The following ALOX15B variants were observed in gnomAD, a reference collection of about 807,000 sequenced individuals.
ALOX15B encodes arachidonate 15-lipoxygenase type B, also known as polyunsaturated fatty acid lipoxygenase ALOX15B.
A neutral mutation model predicts 73.8 loss-of-function variants in ALOX15B; 74 were observed. That is an observed-to-expected ratio of 1.00 (90% CI 0.83 to 1.22). The LOEUF (loss-of-function observed/expected upper bound fraction) is 1.22, where lower values mean the gene tolerates loss of function less well. Among genes scored for constraint, ALOX15B ranks in the 50% most tolerant of loss-of-function variants. The pLI is 0.00. For missense variants in ALOX15B, 896 were observed against 859.9 expected, an observed-to-expected ratio of 1.04 and a Z score of -0.52; for synonymous variants, 353 against 357.2, an observed-to-expected ratio of 0.99 and a Z score of 0.13.
rs546894160 is a variant in ALOX15B, at chr17:8,042,984, C to A, written c.676+100C>A. ...AACCAAGCACCAATTTGCTATGTAA[C>A]CCTGATCAGGTCCTTGCTAGACCTT... On this transcript the variant is annotated intron_variant, in intron 5 of 13. Transcript: ENST00000380183. 4.2e-5 allele frequency: 40 copies of A among 947,436 alleles called. 1 individual carries two copies. The Middle Eastern group carries it at 8.9e-4, about 21-fold the overall frequency. 58.7% of individuals were successfully genotyped at this position (947,436 alleles called of 1,614,324 possible).
At chr17:8,041,802 A>G (rs1173490647) in intron 3 of ALOX15B, among the ~76,000 whole-genome samples, 1 of 152,188 alleles carries the variant, frequency 6.6e-6, no homozygotes, top group Non-Finnish European at 1.5e-5. Context: ...GTGCCTCTCT[A>G]TGGGACACCT....
intron 6 of ALOX15B, 115 bp downstream of exon 6, chr17:8,045,116 C>A: frequency 1.3e-6 from 2 of 1,580,834 alleles, no homozygotes; most frequent in Non-Finnish European, 1.7e-6. Flanking sequence ...CCGCGTGCTG[C>A]GTGCCAAGCA....
At position 8,047,606 on chromosome 17, in the gene ALOX15B, A is replaced by C. The variant is rs1203770185; in HGVS notation, c.1622A>C (p.Tyr541Ser). 3 of 1,611,074 alleles carry C rather than the reference A, an allele frequency of 1.9e-6. No individual in the cohort carries two copies. The highest frequency in any genetic ancestry group is 2.5e-6 in the Non-Finnish European group (3 of 1,178,642). ...GAGACCCGGGAAGCCCTGGTGCAGT[A>C]TGTCACCATGGTGATATTCACCTGC... is the stretch of plus-strand genomic sequence containing the variant. ...SLETREALVQ[Y>S]VTMVIFTCSA... The change falls in exon 12 of 14, where the codon TAT becomes TCT. Residue 541 changes from tyrosine (Y) to serine (S), a missense_variant. Coordinates refer to ENST00000380183, the MANE Select transcript of ALOX15B (RefSeq NM_001141.3).
intron 8 of ALOX15B, 52 bp from the exon 9 acceptor site, chr17:8,046,616 G>C: frequency 6.4e-7 from 1 of 1,568,792 alleles, no homozygotes; most frequent in Non-Finnish European, 8.7e-7. Flanking sequence ...GGAAGGTCTG[G>C]GGCCAGAACA....
chr17:8,044,975 G>A lies in ALOX15B; in HGVS notation c.823G>A (p.Gly275Arg), dbSNP rs146184262. The A allele has an allele frequency of 7.1e-5, 115 of 1,614,140 alleles. No individual in the cohort carries two copies. The African/African-American group carries it at 1.1e-3, about 16-fold the overall frequency. ...CATGGTGGCCTCAGTGTTGGGTCCT[G>A]GGACCAGCTTGCAGGCTGAGCTAGA... ...DAMVASVLGP[G>R]TSLQAELEKG... Residue 275 changes from glycine (G) to arginine (R), a missense_variant, in exon 6 of 14, where the codon GGG becomes AGG. By Grantham distance (125) the Gly-to-Arg change is moderately radical. Coordinates refer to ENST00000380183, the MANE Select transcript of ALOX15B (RefSeq NM_001141.3).
At position 8,039,219 on chromosome 17, in the gene ALOX15B, G is replaced by C. The variant is rs757072591; in HGVS notation, c.64G>C (p.Val22Leu). 6.2e-7 allele frequency: 1 copy of C among 1,611,554 alleles called. No individual in the cohort carries two copies. Among genetic ancestry groups the C allele is most frequent in the Non-Finnish European group, 8.5e-7 (1 of 1,178,794 alleles). The change falls in exon 1 of 14, where the codon GTG becomes CTG. Residue 22 changes from valine to leucine, a missense_variant. By Grantham distance (32) the Val-to-Leu change is conservative (BLOSUM62 1). Transcript: ENST00000380183. Reference sequence around the variant, plus strand: ...CTTCGGGGCTGGCACATGGGACAAAGTGTCTGTCAGCATCGTGGGGACCCG... The same window carrying C: ...CTTCGGGGCTGGCACATGGGACAAACTGTCTGTCAGCATCGTGGGGACCCG... Reference protein sequence around the residue: ...EAFGAGTWDKVSVSIVGTRGE... With the variant: ...EAFGAGTWDKLSVSIVGTRGE...
In ALOX15B at chr17:8,047,774, G is replaced by A. The variant is rs754875603; in HGVS notation, c.1710G>A (p.Leu570=). 3 of 1,613,986 alleles carry A rather than the reference G, an allele frequency of 1.9e-6. No individual in the cohort carries two copies. Among genetic ancestry groups the A allele is most frequent in the Admixed American group, 3.3e-5 (2 of 59,996 alleles). ...QFDSCAWMPN[L]PPSMQLPPPT... is the part of the protein sequence containing the mutation. ...ACTCCTGTGCTTGGATGCCCAACCTGCCACCCAGCATGCAGCTGCCACCAC... is the reference window on the plus strand; with the variant it reads ...ACTCCTGTGCTTGGATGCCCAACCTACCACCCAGCATGCAGCTGCCACCAC... The change falls in exon 13 of 14, where the codon CTG becomes CTA. Residue 570 remains leucine (L), a synonymous_variant. Coordinates refer to ENST00000380183, the MANE Select transcript of ALOX15B (RefSeq NM_001141.3).
rs1331071626 is a variant in ALOX15B at position 8,048,547 on chromosome 17, G to A, written c.2013G>A (p.Glu671=). The A allele has an allele frequency of 1.2e-6, 2 of 1,613,740 alleles. No homozygotes were observed. Among genetic ancestry groups the A allele is most frequent in the Non-Finnish European group, 1.7e-6 (2 of 1,179,776 alleles). ...PYTYLDPPLI[E]NSVSI Reference sequence around the variant, plus strand: ...CCTACCTAGACCCTCCCCTCATCGAGAACAGCGTCTCCATCTAAATCCCAG... The same window carrying A: ...CCTACCTAGACCCTCCCCTCATCGAAAACAGCGTCTCCATCTAAATCCCAG... The change falls in exon 14 of 14, where the codon GAG becomes GAA. Residue 671 remains glutamate (E), a synonymous_variant. Transcript: ENST00000380183.
At chr17:8,043,286 C>T (rs1041539102) in intron 5 of ALOX15B, among the ~76,000 whole-genome samples, 3 of 152,166 alleles carry the variant, frequency 2.0e-5, no homozygotes, top group African/African-American at 7.2e-5. Flanking sequence ...GGAAAGCTCT[C>T]CCAAGGGGGT....
In ALOX15B at chr17:8,047,321, G is replaced by A. The variant is rs1261216432; in HGVS notation, c.1521G>A (p.Glu507=). ...PSDESVQDDR[E]LQAWVREIFS... The stretch of plus-strand genomic sequence containing the variant: ...ATGAGTCTGTCCAAGATGACAGAGA[G>A]CTCCAGGCCTGGGTCAGAGAGATCT... The change falls in exon 11 of 14, where the codon GAG becomes GAA. Residue 507 remains glutamate, a synonymous_variant. Transcript: ENST00000380183. 6.2e-7 allele frequency: 1 copy of A among 1,614,094 alleles called. No homozygotes were observed. The highest frequency in any genetic ancestry group is 1.1e-5 in the South Asian group (1 of 91,082).
At chr17:8,041,597 T>C (rs1461170940) in intron 3 of ALOX15B, among the ~76,000 whole-genome samples, 1 of 152,224 alleles carries the variant, frequency 6.6e-6, no homozygotes, top group Non-Finnish European at 1.5e-5. Context: ...TTCTTTGAAG[T>C]TGAAAGCTCA....
Position 8,039,229 on chromosome 17 carries a change from G to A in ALOX15B, c.74G>A (p.Ser25Asn). 1 of 1,609,432 alleles carries A rather than the reference G, an allele frequency of 6.2e-7. No homozygotes were observed. Among genetic ancestry groups the A allele is most frequent in the Non-Finnish European group, 8.5e-7 (1 of 1,177,720 alleles). Residue 25 changes from serine (S) to asparagine (N), a missense_variant, in exon 1 of 14, where the codon AGC (serine) becomes AAC (asparagine). Coordinates refer to ENST00000380183, the MANE Select transcript of ALOX15B (RefSeq NM_001141.3). ...GAGTWDKVSV[S>N]IVGTRGESPP... ...GGCACATGGGACAAAGTGTCTGTCAGCATCGTGGGGACCCGGGGAGAGAGC... is the reference window on the plus strand; with the variant it reads ...GGCACATGGGACAAAGTGTCTGTCAACATCGTGGGGACCCGGGGAGAGAGC...
At chr17:8,041,486 C>G (rs1976462403) in intron 3 of ALOX15B, among the ~76,000 whole-genome samples, 1 of 152,204 alleles carries the variant, frequency 6.6e-6, no homozygotes, top group Non-Finnish European at 1.5e-5. Flanking sequence ...TGTTAGAAAT[C>G]AGAATCTGCA....
Position 8,039,300 on chromosome 17 carries a change from G to A in ALOX15B, c.145G>A (p.Ala49Thr). 1 of 1,585,190 alleles carries A rather than the reference G, an allele frequency of 6.3e-7. No individual in the cohort carries two copies. The highest frequency in any genetic ancestry group is 1.2e-5 in the South Asian group (1 of 85,952). The change falls in exon 1 of 14, where the codon GCT becomes ACT. Residue 49 changes from alanine (A) to threonine (T), a missense_variant and splice_region_variant. Transcript: ENST00000380183. ...TCTCGGCAAGGAGTTCACTGCGGGC[G>A]CTGTGAGTGCGTGGGAGTGGATGGG... is the stretch of plus-strand genomic sequence containing the variant. ...DNLGKEFTAGAEEDFQVTLPE... is the reference protein window; with the variant it reads ...DNLGKEFTAGTEEDFQVTLPE...
chr17:8,045,117 G>A (rs974398496), intron 6 of ALOX15B, 116 bp downstream of exon 6: 89 of 1,585,518 alleles, frequency 5.6e-5, no homozygotes, highest in Non-Finnish European at 6.4e-5. Flanking sequence ...CGCGTGCTGC[G>A]TGCCAAGCAC....
Position 8,046,705 on chromosome 17 carries a change from A to G in ALOX15B, c.1238A>G (p.Asn413Ser), listed in dbSNP as rs1486041392. 3.1e-6 allele frequency: 5 copies of G among 1,614,028 alleles called. No homozygotes were observed. The South Asian group carries it at 5.5e-5, about 18-fold the overall frequency. ...IPHTRYTLHINTLARELLIVP... is the reference protein window; with the variant it reads ...IPHTRYTLHISTLARELLIVP... ...CACACCCGATACACCCTGCACATCA[A>G]CACACTCGCCCGGGAGCTGCTTATC... The change falls in exon 9 of 14, where the codon AAC becomes AGC. Residue 413 changes from asparagine (N) to serine (S), a missense_variant. Asn to Ser is a conservative substitution (Grantham distance 46). Transcript: ENST00000380183.
chr17:8,040,607 G>GATAC (rs2151811542), intron 3 of ALOX15B, among the ~76,000 whole-genome samples: 1 of 113,454 alleles, frequency 8.8e-6, no homozygotes, highest in Admixed American at 8.6e-5. Context: ...GAGAGAGAAA[G>GATAC]AAAGAAAGAA....
In ALOX15B at chr17:8,042,870, G is replaced by C. The variant is rs1400479115; in HGVS notation, c.662G>C (p.Arg221Thr). The C allele has an allele frequency of 6.4e-7, 1 of 1,552,772 alleles. No homozygotes were observed. Among genetic ancestry groups the C allele is most frequent in the East Asian group, 2.4e-5 (1 of 41,270 alleles). Residue 221 changes from arginine (R) to threonine (T), a missense_variant, in exon 5 of 14, where the codon AGG becomes ACG. Arg to Thr is a moderately conservative substitution (Grantham distance 71, BLOSUM62 -1). Coordinates refer to ENST00000380183, the MANE Select transcript of ALOX15B (RefSeq NM_001141.3). ...NEMKRIFNFR[R>T]TPAAEHAFEH... is the part of the protein sequence containing the mutation. ...ATGAAAAGGATCTTCAACTTCCGGA[G>C]GACCCCAGCAGCTGGTGAGGAGCTT...
rs1314462515 is a variant in ALOX15B at position 8,039,909 on chromosome 17, G to A, written c.375G>A (p.Val125=). ...TLVLQEGTAK[V]SWADHHPVLQ... ...ACTCCCCTTCTCCCACAGCCAAGGT[G>A]TCCTGGGCAGACCACCACCCTGTGC... is the stretch of plus-strand genomic sequence containing the variant. The change falls in exon 3 of 14, where the codon GTG becomes GTA. Residue 125 remains valine, a synonymous_variant. Coordinates refer to ENST00000380183, the MANE Select transcript of ALOX15B (RefSeq NM_001141.3). The A allele has an allele frequency of 1.2e-6, 2 of 1,613,422 alleles. No individual in the cohort carries two copies. Among genetic ancestry groups the A allele is most frequent in the Admixed American group, 1.7e-5 (1 of 59,922 alleles).
Sources: allele counts gnomAD v4.1 joint callset (sites outside exome capture counted in the v4.1 genomes callset), GRCh38; gene constraint gnomAD v4.1.1; transcripts MANE v1.5; gene names NCBI Gene and HGNC (gene_info 2026-07-23, HGNC 2026-07-21).